ESR2: variants seen among roughly 807,000 people sequenced by gnomAD.
ESR2 encodes the protein estrogen receptor 2, also known as estrogen receptor beta.
A neutral mutation model predicts 49.6 loss-of-function variants in ESR2; 36 were observed. The ratio of observed to expected loss-of-function variants is 0.73; its 90% CI spans 0.56 to 0.96. ESR2 has a LOEUF of 0.96. Ranked by LOEUF, ESR2 falls within the 40% of genes least tolerant of loss-of-function variation. The pLI, the probability that ESR2 is intolerant of heterozygous loss-of-function variation, is 0.00. For synonymous variants in ESR2, 320 were observed against 266.1 expected (o/e 1.20, Z -1.97); for missense variants, 714 against 693.0 (o/e 1.03, Z -0.34).
intron 3 of ESR2, among the ~76,000 whole-genome samples, chr14:64,274,942 A>G (rs1262996263): frequency 1.3e-5 from 2 of 152,088 alleles, no homozygotes; most frequent in Admixed American, 6.6e-5. Context: ...GTTTTATTCC[A>G]TTGTGGTCAA....
At chr14:64,295,881 TA>T (rs1347741678), upstream of ESR2, among the ~76,000 whole-genome samples, 2 of 151,902 alleles carry the variant, frequency 1.3e-5, no homozygotes, top group African/African-American at 4.8e-5. Flanking sequence ...TCGTCTCTAC[TA>T]AAAATACAAA....
chr14:64,250,660 C>G (rs2075968346), intron 6 of ESR2, among the ~76,000 whole-genome samples: 1 of 152,218 alleles, frequency 6.6e-6, no homozygotes, highest in African/African-American at 2.4e-5. Context: ...TTTTTAGTCT[C>G]TAGCAGCCCC....
intron 6 of ESR2, among the ~76,000 whole-genome samples, chr14:64,255,164 C>T (rs1012617006): frequency 6.6e-6 from 1 of 151,926 alleles, no homozygotes; most frequent in Non-Finnish European, 1.5e-5. Flanking sequence ...AAAATAAACA[C>T]TAAATTTGGC....
chr14:64,280,013 C>A lies in ESR2; in HGVS notation c.503G>T (p.Gly168Val). The A allele has an allele frequency of 6.2e-7, 1 of 1,614,182 alleles. No homozygotes were observed. The highest frequency in any genetic ancestry group is 8.5e-7 in the Non-Finnish European group (1 of 1,180,028). ...GYHYGVWSCE[G>V]CKAFFKRSIQ... Reference sequence around the variant, plus strand: ...GCTTCTTTTAAAAAAGGCCTTACATCCTTCACACGACCAGACTCCATAGTG... The same window carrying A: ...GCTTCTTTTAAAAAAGGCCTTACATACTTCACACGACCAGACTCCATAGTG... The change falls in exon 3 of 9, where the codon GGA (glycine) becomes GTA (valine). Residue 168 changes from glycine (G) to valine (V), a missense_variant. Coordinates refer to ENST00000341099, the MANE Select transcript of ESR2 (RefSeq NM_001437.3).
At chr14:64,253,560 TTGTGTGTGTGTGTGTGTG>T (rs752711685) in intron 6 of ESR2, among the ~76,000 whole-genome samples, 15 of 136,642 alleles carry the variant, frequency 1.1e-4, no homozygotes, top group East Asian at 8.3e-4. Flanking sequence ...GGTACACTAT[TTGTGTGTGTGTGTGTGTG>T]TGTGTGTGTG....
chr14:64,260,474 C>T lies in ESR2; in HGVS notation c.927G>A (p.Met309Ile). ...TKLADKELVH[M>I]ISWAKKIPGF... ...CGGGAATCTTCTTGGCCCAGCTGAT[C>T]ATGTGTACCAACTCCTTGTCGGCCA... Residue 309 changes from methionine to isoleucine, a missense_variant, in exon 5 of 9, where the codon ATG (methionine) becomes ATA (isoleucine). Physicochemically the swap from Met to Ile is conservative, Grantham distance 10 (BLOSUM62 1). Coordinates refer to ENST00000341099, the MANE Select transcript of ESR2 (RefSeq NM_001437.3). 1 of 1,526,422 alleles carries T rather than the reference C, an allele frequency of 6.6e-7. No homozygotes were observed. The highest frequency in any genetic ancestry group is 8.8e-7 in the Non-Finnish European group (1 of 1,138,252). 94.6% of individuals were successfully genotyped at this position (1,526,422 alleles called of 1,614,324 possible).
chr14:64,259,153 A>G (rs937710314), intron 5 of ESR2, among the ~76,000 whole-genome samples: 10 of 152,256 alleles, frequency 6.6e-5, no homozygotes, highest in African/African-American at 2.4e-4. Context: ...CCTGGGAAAA[A>G]GCAGAGAAAA....
chr14:64,259,285 C>A (rs549672075), intron 5 of ESR2, among the ~76,000 whole-genome samples: 13 of 152,362 alleles, frequency 8.5e-5, no homozygotes, highest in Admixed American at 4.6e-4. Flanking sequence ...ATGATACTGT[C>A]ACCATAGGCC....
At chr14:64,298,562 G>C (rs1318939802), upstream of ESR2, 1 of 152,122 alleles carries the variant, frequency 6.6e-6, no homozygotes, top group African/African-American at 2.4e-5. Flanking sequence ...ATTCTTTATT[G>C]ATCTGCGTTG....
chr14:64,299,837 T>G (rs961255511), intron 1 of ESR2, among the ~76,000 whole-genome samples: 3 of 152,184 alleles, frequency 2.0e-5, no homozygotes, highest in African/African-American at 7.2e-5. Context: ...CTTCTCCAAG[T>G]AGTTCATGCA....
chr14:64,277,411 G>C (rs1221619362), intron 3 of ESR2, among the ~76,000 whole-genome samples: 1 of 152,040 alleles, frequency 6.6e-6, no homozygotes, highest in Non-Finnish European at 1.5e-5. Context: ...GGATCACAAG[G>C]TCAGGAGATC....
Position 64,282,715 on chromosome 14 carries a change from C to T in ESR2, c.271G>A (p.Val91Ile). The T allele has an allele frequency of 1.2e-6, 2 of 1,614,192 alleles. No individual in the cohort carries two copies. The highest frequency in any genetic ancestry group is 1.7e-6 in the Non-Finnish European group (2 of 1,180,026). ...PTPGHLSPLV[V>I]HRQLSHLYAE... ...TACAGATGTGATAACTGGCGATGGA[C>T]CACTAAAGGAGAAAGGTGCCCAGGT... Residue 91 changes from valine (V) to isoleucine (I), a missense_variant, in exon 2 of 9, where the codon GTC (valine) becomes ATC (isoleucine). By Grantham distance (29) the Val-to-Ile change is conservative. Coordinates refer to ENST00000341099, the MANE Select transcript of ESR2 (RefSeq NM_001437.3).
chr14:64,300,840 A>C (rs2077013585), intron 1 of ESR2, among the ~76,000 whole-genome samples: 1 of 152,146 alleles, frequency 6.6e-6, no homozygotes, highest in African/African-American at 2.4e-5. Context: ...GCCCTCATGC[A>C]TTTATCTCTT....
At chr14:64,306,068 G>C (rs2077093001) in intron 1 of ESR2, among the ~76,000 whole-genome samples, 1 of 152,064 alleles carries the variant, frequency 6.6e-6, no homozygotes, top group Non-Finnish European at 1.5e-5. Flanking sequence ...AATTAGCTGG[G>C]CATGGTGGCG....
intron 3 of ESR2, among the ~76,000 whole-genome samples, chr14:64,276,111 CTTTT>C (rs964875898): frequency 2.0e-5 from 3 of 151,950 alleles, no homozygotes; most frequent in African/African-American, 7.2e-5. Flanking sequence ...TATGAAAGGA[CTTTT>C]TTTAGGCTTA....
intron 1 of ESR2, among the ~76,000 whole-genome samples, chr14:64,331,674 A>C (rs1406513116): frequency 1.3e-5 from 2 of 151,936 alleles, no homozygotes; most frequent in African/African-American, 4.8e-5. Context: ...AAAATACAAG[A>C]AATTAGCCGA....
At chr14:64,283,952 G>T (rs1170181009) in intron 1 of ESR2, among the ~76,000 whole-genome samples, 1 of 151,850 alleles carries the variant, frequency 6.6e-6, no homozygotes, top group Non-Finnish European at 1.5e-5. Flanking sequence ...TTGAGACAAG[G>T]TCTCACTCTG....
intron 3 of ESR2, among the ~76,000 whole-genome samples, chr14:64,276,364 G>T (rs1250952612): frequency 6.6e-6 from 1 of 152,276 alleles, no homozygotes; most frequent in Admixed American, 6.5e-5. Context: ...AGATTTATGA[G>T]AAAACATTTA....
intron 1 of ESR2, among the ~76,000 whole-genome samples, chr14:64,306,281 T>G (rs1271398714): frequency 6.6e-6 from 1 of 152,188 alleles, no homozygotes; most frequent in Non-Finnish European, 1.5e-5. Flanking sequence ...TTTTGGCTCT[T>G]AAGAAGAATT....
Sources: gnomAD v4.1 joint callset for allele counts (sites outside exome capture counted in the v4.1 genomes callset) on GRCh38, gnomAD v4.1.1 for gene constraint, MANE v1.5 for transcripts, NCBI Gene and HGNC (gene_info 2026-07-23, HGNC 2026-07-21) for gene names.